The following PLAT variants were observed in gnomAD, a reference collection of about 807,000 sequenced individuals.
The protein encoded by PLAT is tissue-type plasminogen activator.
PLAT carries 48 observed loss-of-function variants against 74.9 expected under a neutral mutation model. The ratio of observed to expected loss-of-function variants is 0.64; its 90% CI spans 0.51 to 0.82. The LOEUF is 0.82. PLAT is among the 40% of genes least tolerant of loss of function. The pLI, the probability that PLAT is intolerant of heterozygous loss-of-function variation, is 0.00. For missense variants in PLAT, 673 were observed against 736.2 expected, an observed-to-expected ratio of 0.91 and a Z score of 0.99; for synonymous variants, 307 against 294.4, an observed-to-expected ratio of 1.04 and a Z score of -0.44.
intron 5 of PLAT, 127 bp from the exon 6 acceptor site, chr8:42,187,699 G>C: frequency 1.1e-6 from 1 of 922,346 alleles, no homozygotes; most frequent in Non-Finnish European, 1.6e-6. Context: ...CACAGGCTGG[G>C]TGGCAAGGGT....
chr8:42,175,766 T>C lies in PLAT; in HGVS notation c.*227A>G. The C allele has an allele frequency of 4.0e-6, 2 of 499,326 alleles. No homozygotes were observed. Among genetic ancestry groups the C allele is most frequent in the Admixed American group, 3.3e-5 (1 of 30,230 alleles). The allele number at this position is 499,326 out of a possible 1,614,324, so 30.9% of individuals were successfully genotyped here. ...TCCTGGAGAGGCTAGTGTGCATTCA[T>C]GTCTTCCCATCTGACAGAGTATCCT... On this transcript the variant is annotated 3_prime_UTR_variant, in exon 14 of 14. Coordinates refer to ENST00000220809, the MANE Select transcript of PLAT (RefSeq NM_000930.5).
chr8:42,199,715 A>G (rs1479785260), intron 1 of PLAT, among the ~76,000 whole-genome samples: 1 of 152,234 alleles, frequency 6.6e-6, no homozygotes, highest in Non-Finnish European at 1.5e-5. Flanking sequence ...TCAAAACAGA[A>G]GAAACCCTGT....
At chr8:42,196,346 C>A (rs1434297516) in intron 1 of PLAT, among the ~76,000 whole-genome samples, 1 of 152,222 alleles carries the variant, frequency 6.6e-6, no homozygotes, top group Non-Finnish European at 1.5e-5. Flanking sequence ...GACCTTCCTG[C>A]GCCTTGAGCT....
At chr8:42,188,868 TC>T in intron 4 of PLAT, 65 bp downstream of exon 4, 1 of 1,436,052 alleles carries the variant, frequency 7.0e-7, no homozygotes. Flanking sequence ...CCAGCGACCC[TC>T]CCACCTTGGC....
At chr8:42,203,454 C>T in intron 1 of PLAT, among the ~76,000 whole-genome samples, 1 of 152,146 alleles carries the variant, frequency 6.6e-6, no homozygotes, top group East Asian at 1.9e-4. Context: ...CATTTCCTGG[C>T]AGCCATGATC....
At chr8:42,202,313 G>A (rs1204431955) in intron 1 of PLAT, among the ~76,000 whole-genome samples, 1 of 152,096 alleles carries the variant, frequency 6.6e-6, no homozygotes, top group Non-Finnish European at 1.5e-5. Flanking sequence ...GGGATTACAG[G>A]CAGGAGCTGT....
intron 2 of PLAT, among the ~76,000 whole-genome samples, chr8:42,192,806 G>A (rs151261841): frequency 6.6e-6 from 1 of 152,284 alleles, no homozygotes; most frequent in East Asian, 1.9e-4. Flanking sequence ...GGATTAATTT[G>A]AATACATTCT....
intron 1 of PLAT, among the ~76,000 whole-genome samples, chr8:42,202,514 C>A (rs1376277111): frequency 1.3e-5 from 2 of 152,132 alleles, no homozygotes; most frequent in Non-Finnish European, 2.9e-5. Flanking sequence ...CCTGCCCCCC[C>A]AGCCCTCAAG....
Position 42,193,174 on chromosome 8 carries a change from C to G in PLAT, c.12G>C (p.Met4Ile). MDA[M>I]KRGLCCVLLL... The stretch of plus-strand genomic sequence containing the variant: ...GCAGCACACAGCAGAGCCCTCTCTT[C>G]ATTGCATCCATGATTGCTTCACAGC... The change falls in exon 2 of 14, where the codon ATG becomes ATC. Residue 4 changes from methionine to isoleucine, a missense_variant. Met to Ile is a conservative substitution (Grantham distance 10). Transcript: ENST00000220809. 6.2e-7 allele frequency: 1 copy of G among 1,613,744 alleles called. No individual in the cohort carries two copies. The highest frequency in any genetic ancestry group is 8.5e-7 in the Non-Finnish European group (1 of 1,179,676).
rs887226344 is a variant in PLAT, at chr8:42,178,930, G to A, written c.1497C>T (p.Gly499=). ...NMLCAGDTRS[G]GPQANLHDAC... is the part of the protein sequence containing the mutation. ...CGTCGTGCAAGTTTGCCTGGGGCCC[G>A]CCGCTCCGAGTGTCTCCAGCACACA... Residue 499 remains glycine, a synonymous_variant, in exon 13 of 14, where the codon GGC becomes GGT. Transcript: ENST00000220809. 11 of 1,613,736 alleles carry A rather than the reference G, an allele frequency of 6.8e-6. No homozygotes were observed. Among genetic ancestry groups the A allele is most frequent in the South Asian group, 1.1e-5 (1 of 91,060 alleles).
chr8:42,192,204 A>G (rs1350397743), intron 2 of PLAT, among the ~76,000 whole-genome samples: 5 of 151,716 alleles, frequency 3.3e-5, no homozygotes, highest in African/African-American at 1.2e-4. Flanking sequence ...GCATCTCACT[A>G]TATTGCCCAG....
chr8:42,191,597 C>G (rs1042718505), intron 2 of PLAT, among the ~76,000 whole-genome samples, 183 bp from the exon 3 acceptor site: 29 of 152,248 alleles, frequency 1.9e-4, no homozygotes, highest in Non-Finnish European at 3.2e-4. Context: ...TCCTCTCCTT[C>G]CTGACTGGCT....
chr8:42,187,695 C>G (rs1000799625), intron 5 of PLAT, 123 bp from the exon 6 acceptor site: 4 of 991,580 alleles, frequency 4.0e-6, no homozygotes, highest in Non-Finnish European at 4.4e-6. Context: ...AAGCCACAGG[C>G]TGGGTGGCAA....
intron 1 of PLAT, among the ~76,000 whole-genome samples, chr8:42,201,478 G>A (rs1806128390): frequency 6.6e-6 from 1 of 152,100 alleles, no homozygotes; most frequent in African/African-American, 2.4e-5. Flanking sequence ...CAGAAGAGAT[G>A]CCACGCTTCA....
At chr8:42,187,820 C>T in intron 5 of PLAT, 86 bp downstream of exon 5, 2 of 992,676 alleles carry the variant, frequency 2.0e-6, no homozygotes, top group Non-Finnish European at 3.2e-6. Context: ...CCTGGCCCTG[C>T]CATCGCACCC....
chr8:42,184,883 TC>T, intron 7 of PLAT, 197 bp downstream of exon 7: 1 of 461,834 alleles, frequency 2.2e-6, no homozygotes, highest in Admixed American at 3.9e-5. Flanking sequence ...GGAGATCAGC[TC>T]CAGGTCAGAC....
intron 1 of PLAT, among the ~76,000 whole-genome samples, chr8:42,204,223 A>G (rs766423691): frequency 6.6e-6 from 1 of 151,792 alleles, no homozygotes; most frequent in African/African-American, 2.4e-5. Context: ...GACCCACCAT[A>G]TGGTTTTGTG....
chr8:42,189,517 C>G (rs1053144159), intron 3 of PLAT, among the ~76,000 whole-genome samples: 2 of 151,586 alleles, frequency 1.3e-5, no homozygotes, highest in Non-Finnish European at 2.9e-5. Flanking sequence ...GACTCCATCT[C>G]AAAATAAAAT....
At chr8:42,202,341 G>A (rs1464847746) in intron 1 of PLAT, among the ~76,000 whole-genome samples, 1 of 152,038 alleles carries the variant, frequency 6.6e-6, no homozygotes, top group Non-Finnish European at 1.5e-5. Context: ...GCCTCTGTTA[G>A]CTCATCCATA....
Sources: allele counts gnomAD v4.1 joint callset (sites outside exome capture counted in the v4.1 genomes callset), GRCh38; gene constraint gnomAD v4.1.1; transcripts MANE v1.5; gene names NCBI Gene and HGNC (gene_info 2026-07-23, HGNC 2026-07-21).